Variants in PRKCE observed in about 807,000 individuals in gnomAD.
PRKCE encodes protein kinase C epsilon type.
A neutral mutation model predicts 85.4 loss-of-function variants in PRKCE; 16 were observed. The ratio of observed to expected loss-of-function variants is 0.19; its 90% CI spans 0.13 to 0.28. The LOEUF (loss-of-function observed/expected upper bound fraction) is 0.28. PRKCE is among the 10% of genes least tolerant of loss of function. The probability of loss-of-function intolerance (pLI) is 1.00; values close to 1 mark genes in which losing one functional copy is unlikely to be tolerated. For missense variants in PRKCE, 573 were observed against 975.2 expected (o/e 0.59, Z 5.49); for synonymous variants, 388 against 371.5 (o/e 1.04, Z -0.51).
At chr2:45,817,110 T>TGTGTGTGTGTGG (rs35748796) in intron 1 of PRKCE, among the ~76,000 whole-genome samples, 1 of 127,704 alleles carries the variant, frequency 7.8e-6, no homozygotes, top group African/African-American at 3.0e-5. Flanking sequence ...TGTGTGTGTG[T>TGTGTGTGTGTGG]TGTGGGTAGG....
rs138188825 is a variant in PRKCE at position 46,068,070 on chromosome 2, T to G, written c.1438-18138T>G. On this transcript the variant is annotated intron_variant, in intron 10 of 14. Transcript: ENST00000306156. This position sits in a 1 kb window ranked among gnomAD's most constrained non-coding sequence, Gnocchi z 4.3. ...CAATGGAAACATCTTTCGTTTTCAT[T>G]GTTCAGAGAGAGACTGGGGGTTTGT... 6.6e-6 allele frequency among the ~76,000 whole-genome samples: 1 copy of G among 152,214 alleles called. No homozygotes were observed. The highest frequency in any genetic ancestry group is 2.4e-5 in the African/African-American group (1 of 41,448).
intron 2 of PRKCE, among the ~76,000 whole-genome samples, chr2:45,900,381 A>G (rs190291808): frequency 8.5e-5 from 13 of 152,380 alleles, no homozygotes; most frequent in Middle Eastern, 3.4e-3. Flanking sequence ...CCATCAGTAG[A>G]TGAATGGATA....
intron 1 of PRKCE, among the ~76,000 whole-genome samples, chr2:45,783,505 G>A (rs1686358586): frequency 6.6e-6 from 1 of 152,190 alleles, no homozygotes. Context: ...CCTTTGCTGG[G>A]TTTCAGCATT....
intron 1 of PRKCE, among the ~76,000 whole-genome samples, chr2:45,773,003 C>T (rs762911734): frequency 2.0e-4 from 30 of 152,122 alleles, no homozygotes; most frequent in Non-Finnish European, 2.6e-4. Context: ...AGAAGTGCAC[C>T]GTCCTGCCCT....
At chr2:45,720,053 A>G (rs1178674430) in intron 1 of PRKCE, among the ~76,000 whole-genome samples, 2 of 152,188 alleles carry the variant, frequency 1.3e-5, no homozygotes, top group Non-Finnish European at 2.9e-5. Flanking sequence ...CAAGCAGCAG[A>G]ATCTAAAGTC....
At chr2:46,108,887 T>C (rs865902495) in intron 11 of PRKCE, among the ~76,000 whole-genome samples, 11 of 152,194 alleles carry the variant, frequency 7.2e-5, no homozygotes, top group African/African-American at 2.4e-4. Context: ...AGGTGTAAAG[T>C]CTATGTCTAG....
chr2:45,765,627 T>C (rs1684851234), intron 1 of PRKCE, among the ~76,000 whole-genome samples: 1 of 152,228 alleles, frequency 6.6e-6, no homozygotes, highest in African/African-American at 2.4e-5. Context: ...TTCCTTTTCA[T>C]TTGGGGGAAA....
chr2:45,810,902 G>T (rs1433160137), intron 1 of PRKCE, among the ~76,000 whole-genome samples: 1 of 131,002 alleles, frequency 7.6e-6, no homozygotes, highest in Non-Finnish European at 1.8e-5. Context: ...TAACACAGAA[G>T]TGTCCTCTAG....
chr2:45,949,911 T>C (rs1558874945), intron 2 of PRKCE, among the ~76,000 whole-genome samples: 2 of 151,878 alleles, frequency 1.3e-5, no homozygotes, highest in African/African-American at 2.4e-5. Flanking sequence ...GAAAACTCAG[T>C]CCAAATATTC....
At chr2:45,781,731 T>C (rs1686207548) in intron 1 of PRKCE, among the ~76,000 whole-genome samples, 1 of 152,238 alleles carries the variant, frequency 6.6e-6, no homozygotes, top group African/African-American at 2.4e-5. Context: ...TATTTGCTTT[T>C]CTTTAGGCTT....
intron 1 of PRKCE, among the ~76,000 whole-genome samples, chr2:45,689,964 A>G (rs1305370348): frequency 2.6e-5 from 4 of 152,024 alleles, no homozygotes; most frequent in African/African-American, 9.7e-5. Context: ...CCCTCTCTAG[A>G]GACTAGTTCC....
chr2:45,800,177 C>G (rs1197511777), intron 1 of PRKCE, among the ~76,000 whole-genome samples: 2 of 152,224 alleles, frequency 1.3e-5, no homozygotes, highest in Non-Finnish European at 2.9e-5. Context: ...TGTGTTAAAG[C>G]AAAGGCATGG....
chr2:45,797,323 C>T (rs557518036), intron 1 of PRKCE, among the ~76,000 whole-genome samples: 6 of 152,276 alleles, frequency 3.9e-5, no homozygotes, highest in Middle Eastern at 3.4e-3. Context: ...GAGGGAGCCA[C>T]GCATGTCCTT....
chr2:45,779,607 A>T, intron 1 of PRKCE, among the ~76,000 whole-genome samples: 1 of 151,604 alleles, frequency 6.6e-6, no homozygotes, highest in African/African-American at 2.4e-5. Flanking sequence ...TTAAAGTAAA[A>T]AAAAAAAAAA....
intron 2 of PRKCE, among the ~76,000 whole-genome samples, chr2:45,937,024 C>T (rs1250991814): frequency 6.6e-6 from 1 of 152,154 alleles, no homozygotes; most frequent in Non-Finnish European, 1.5e-5. Flanking sequence ...TTTTAAGTTC[C>T]ATAGATGCTT....
intron 2 of PRKCE, among the ~76,000 whole-genome samples, chr2:45,877,130 G>A (rs1404768443): frequency 6.6e-6 from 1 of 152,056 alleles, no homozygotes; most frequent in African/African-American, 2.4e-5. Flanking sequence ...TTCTAAGTAG[G>A]GAGTTATTTC....
At chr2:45,793,568 A>T (rs1033270701) in intron 1 of PRKCE, among the ~76,000 whole-genome samples, 2 of 152,148 alleles carry the variant, frequency 1.3e-5, no homozygotes, top group African/African-American at 4.8e-5. Context: ...GCAACTCCAG[A>T]CGGTGGCCTC....
intron 6 of PRKCE, among the ~76,000 whole-genome samples, chr2:45,986,157 GTGGTGCCAAA>G (rs1330994201): frequency 6.6e-6 from 1 of 152,226 alleles, no homozygotes; most frequent in Non-Finnish European, 1.5e-5. Context: ...TTATAAAGAA[GTGGTGCCAAA>G]TGCTTTCCAA....
In PRKCE at chr2:46,006,895, A is replaced by G. The variant is rs190459092; in HGVS notation, c.1064-567A>G. On this transcript the variant is annotated intron_variant, in intron 8 of 14. Coordinates refer to ENST00000306156, the MANE Select transcript of PRKCE (RefSeq NM_005400.3). Reference sequence around the variant, plus strand: ...AGCCCATTGCTCATTTTGTTAGATAACCTTGTGTAAGATGGGTATTTAGAA... The same window carrying G: ...AGCCCATTGCTCATTTTGTTAGATAGCCTTGTGTAAGATGGGTATTTAGAA... Among the ~76,000 whole-genome samples the G allele has an allele frequency of 2.6e-5, 4 of 152,264 alleles. No homozygotes were observed. In the East Asian group the frequency reaches 7.7e-4, roughly 29 times the overall value.
Sources: allele counts gnomAD v4.1 joint callset (sites outside exome capture counted in the v4.1 genomes callset), GRCh38; gene constraint gnomAD v4.1.1; non-coding constraint Gnocchi (gnomAD v3.1); transcripts MANE v1.5; gene names NCBI Gene and HGNC (gene_info 2026-07-23, HGNC 2026-07-21).